The following CREB5 variants were observed in gnomAD, a reference collection of about 807,000 sequenced individuals.
CREB5 encodes the protein cyclic AMP-responsive element-binding protein 5.
CREB5 carries 19 observed loss-of-function variants against 57.1 expected under a neutral mutation model. That is an observed-to-expected ratio of 0.33 (90% confidence interval 0.23 to 0.49). The LOEUF (loss-of-function observed/expected upper bound fraction) is 0.49, where lower values mean the gene tolerates loss of function less well. Among genes scored for constraint, CREB5 ranks in the 20% least tolerant of loss-of-function variants. The pLI is 0.99. For synonymous variants in CREB5, 238 were observed against 238.3 expected (o/e 1.00, Z 0.01); for missense variants, 579 against 671.6 (o/e 0.86, Z 1.52).
chr7:28,799,851 T>A (rs1808262756), intron 7 of CREB5, among the ~76,000 whole-genome samples: 2 of 152,236 alleles, frequency 1.3e-5, no homozygotes, highest in Non-Finnish European at 2.9e-5. Flanking sequence ...CTGTAGTTGA[T>A]TCTGCTAACC....
chr7:28,424,762 A>T (rs1211316755), intron 1 of CREB5, among the ~76,000 whole-genome samples: 1 of 152,226 alleles, frequency 6.6e-6, no homozygotes, highest in Non-Finnish European at 1.5e-5. Context: ...ACTGACAAGG[A>T]CAAAAATCAC....
At position 28,350,253 on chromosome 7, in the gene CREB5, G is replaced by T. The variant is rs145379287; in HGVS notation, c.-25+50812G>T. ...TTTTACTCCTCCAACACCCTCCAAC[G>T]TGTTCCATCCCATGCTATCTCTGAG... is the stretch of plus-strand genomic sequence containing the variant. On this transcript the variant is annotated intron_variant, in intron 1 of 9. Transcript: ENST00000396299. Among the ~76,000 whole-genome samples the T allele has an allele frequency of 9.3e-3, 1,418 of 152,256 alleles. 25 individuals are homozygous for T. The highest frequency in any genetic ancestry group is 0.033 in the African/African-American group (1,357 of 41,546).
chr7:28,469,795 G>C (rs1790734275), intron 1 of CREB5, among the ~76,000 whole-genome samples: 1 of 152,138 alleles, frequency 6.6e-6, no homozygotes, highest in East Asian at 1.9e-4. Context: ...ATTATTATAA[G>C]ATGCAAGGAA....
At chr7:28,416,427 G>A (rs1039585257) in intron 1 of CREB5, among the ~76,000 whole-genome samples, 3 of 152,182 alleles carry the variant, frequency 2.0e-5, no homozygotes, top group African/African-American at 7.2e-5. Flanking sequence ...GATCTGGTAG[G>A]ACCATTTCAC....
intron 3 of CREB5, among the ~76,000 whole-genome samples, 196 bp from the exon 4 acceptor site, chr7:28,507,420 T>TC (rs1477588848): frequency 1.3e-5 from 2 of 152,232 alleles, no homozygotes; most frequent in Non-Finnish European, 2.9e-5. Context: ...CAGCCTTCTG[T>TC]CTACTGTATT....
chr7:28,805,984 G>A (rs181019554), intron 8 of CREB5, among the ~76,000 whole-genome samples: 2 of 151,534 alleles, frequency 1.3e-5, no homozygotes, highest in African/African-American at 2.4e-5. Context: ...TTAGTCAAAC[G>A]CCATACTAGA....
At chr7:28,438,500 T>C (rs1789051315) in intron 1 of CREB5, among the ~76,000 whole-genome samples, 1 of 152,172 alleles carries the variant, frequency 6.6e-6, no homozygotes, top group African/African-American at 2.4e-5. Flanking sequence ...TTAATTCATT[T>C]TTCTTTTTAA....
At chr7:28,573,151 G>A (rs1484033087) in intron 5 of CREB5, among the ~76,000 whole-genome samples, 6 of 152,114 alleles carry the variant, frequency 3.9e-5, no homozygotes, top group South Asian at 2.1e-4. Context: ...ATTTGGGGAC[G>A]GTTGACTCTT....
intron 1 of CREB5, among the ~76,000 whole-genome samples, chr7:28,370,628 G>A (rs1786688656): frequency 1.3e-5 from 2 of 152,206 alleles, no homozygotes; most frequent in South Asian, 4.1e-4. Context: ...AATAAATAAG[G>A]TAGAAGCACT....
At position 28,495,962 on chromosome 7, in the gene CREB5, C is replaced by T. The variant is rs544348249; in HGVS notation, c.169+963C>T. 1.1e-4 allele frequency among the ~76,000 whole-genome samples: 17 copies of T among 151,150 alleles called. No homozygotes were observed. In the East Asian group the frequency reaches 1.4e-3, roughly 12 times the overall value. On this transcript the variant is annotated intron_variant, in intron 3 of 10. Transcript: ENST00000357727. ...TTTATTCTAATTTTGAGAGGTAGTA[C>T]GGCAAATTAGAAAAAGTGCAGGGAC...
At chr7:28,812,174 G>T (rs1431200924) in intron 9 of CREB5, among the ~76,000 whole-genome samples, 1 of 152,232 alleles carries the variant, frequency 6.6e-6, no homozygotes, top group Non-Finnish European at 1.5e-5. Flanking sequence ...CCACTGCTTA[G>T]ATGAAGGAGC....
intron 4 of CREB5, among the ~76,000 whole-genome samples, chr7:28,556,560 C>T (rs924722912): frequency 5.9e-5 from 9 of 152,060 alleles, no homozygotes; most frequent in African/African-American, 2.2e-4. Flanking sequence ...ACCCTTCTGA[C>T]TTAATTTTTC....
At chr7:28,614,702 CTTAAT>C (rs902827451) in intron 5 of CREB5, among the ~76,000 whole-genome samples, 9 of 152,054 alleles carry the variant, frequency 5.9e-5, no homozygotes, top group Non-Finnish European at 1.3e-4. Flanking sequence ...GACAAAGTTT[CTTAAT>C]TTTTTTCTTA....
At chr7:28,731,539 C>A (rs906541113) in intron 7 of CREB5, among the ~76,000 whole-genome samples, 7 of 152,064 alleles carry the variant, frequency 4.6e-5, no homozygotes, top group Non-Finnish European at 8.8e-5. Flanking sequence ...GAAAAAAAGG[C>A]CTGAAGTTCA....
intron 9 of CREB5, among the ~76,000 whole-genome samples, chr7:28,811,579 C>T (rs1194680534): frequency 6.6e-6 from 1 of 152,080 alleles, no homozygotes; most frequent in Non-Finnish European, 1.5e-5. Flanking sequence ...TTATCTTGCC[C>T]AGGCTGGTCT....
chr7:28,410,706 C>T (rs915603769), upstream of CREB5: 2 of 379,070 alleles, frequency 5.3e-6, no homozygotes, highest in African/African-American at 4.2e-5. Context: ...ATTTTTCCCT[C>T]CTTCTCTGAC....
At chr7:28,543,810 A>G (rs1794308479) in intron 4 of CREB5, among the ~76,000 whole-genome samples, 3 of 151,860 alleles carry the variant, frequency 2.0e-5, no homozygotes, top group Admixed American at 6.6e-5. Context: ...GTCGGAGTCC[A>G]CACGGGGAGT....
At chr7:28,731,474 A>G (rs561478445) in intron 7 of CREB5, among the ~76,000 whole-genome samples, 15 of 152,346 alleles carry the variant, frequency 9.8e-5, no homozygotes, top group African/African-American at 3.6e-4. Context: ...GAATCACCAA[A>G]TTCCAAAACA....
chr7:28,798,213 A>C (rs572883695), intron 7 of CREB5, among the ~76,000 whole-genome samples: 1 of 152,324 alleles, frequency 6.6e-6, no homozygotes, highest in African/African-American at 2.4e-5. Context: ...ACTCAATTGA[A>C]TTTCAATTAA....
Sources: gnomAD v4.1 joint callset for allele counts (sites outside exome capture counted in the v4.1 genomes callset) on GRCh38, gnomAD v4.1.1 for gene constraint, MANE v1.5 for transcripts, NCBI Gene and HGNC (gene_info 2026-07-23, HGNC 2026-07-21) for gene names.